TMEM130: variants seen among roughly 807,000 people sequenced by gnomAD.
The protein encoded by TMEM130 is transmembrane protein 130.
TMEM130 carries 37 observed loss-of-function variants against 42.9 expected under a neutral mutation model. That is an observed-to-expected ratio of 0.86 (90% CI 0.66 to 1.13). The LOEUF is 1.13. Among genes scored for constraint, TMEM130 ranks in the 50% most tolerant of loss-of-function variants. TMEM130 has a pLI of 0.00. For synonymous variants in TMEM130, 259 were observed against 237.7 expected (o/e 1.09, Z -0.82); for missense variants, 545 against 562.6 (o/e 0.97, Z 0.32).
At chr7:98,851,358 G>T in intron 6 of TMEM130, 63 bp downstream of exon 6, 1 of 1,536,566 alleles carries the variant, frequency 6.5e-7, no homozygotes, top group Non-Finnish European at 9.0e-7. Flanking sequence ...TGGTGGTGGT[G>T]GCAGGATGGA....
At chr7:98,858,847 C>T (rs938455604) in intron 3 of TMEM130, among the ~76,000 whole-genome samples, 34 of 149,306 alleles carry the variant, frequency 2.3e-4, no homozygotes, top group African/African-American at 8.3e-4. Flanking sequence ...CCACAGGTTG[C>T]TTTTGTCACC....
intron 6 of TMEM130, among the ~76,000 whole-genome samples, chr7:98,848,913 C>T (rs1322952388): frequency 6.6e-6 from 1 of 152,102 alleles, no homozygotes; most frequent in Admixed American, 6.6e-5. Context: ...AGCATACATC[C>T]ACAAGTTACT....
At chr7:98,855,441 C>T in intron 4 of TMEM130, 117 bp from the exon 5 acceptor site, 1 of 893,410 alleles carries the variant, frequency 1.1e-6, no homozygotes, top group Non-Finnish European at 1.7e-6. Context: ...CTCCTAAGAG[C>T]AGGCCACAGG....
At chr7:98,852,893 G>T (rs1299450477) in intron 5 of TMEM130, among the ~76,000 whole-genome samples, 4 of 152,208 alleles carry the variant, frequency 2.6e-5, no homozygotes, top group Non-Finnish European at 2.9e-5. Context: ...TACCGTCCCT[G>T]ACCATGAGAG....
intron 3 of TMEM130, among the ~76,000 whole-genome samples, chr7:98,857,021 A>G (rs1554399114): frequency 6.6e-6 from 1 of 151,940 alleles, no homozygotes; most frequent in African/African-American, 2.4e-5. Context: ...TCTTAGGCTC[A>G]AGCAGTCCTC....
intron 3 of TMEM130, among the ~76,000 whole-genome samples, chr7:98,859,369 G>C (rs782008595): frequency 7.2e-5 from 11 of 152,176 alleles, no homozygotes; most frequent in Non-Finnish European, 1.5e-4. Flanking sequence ...AGGGTTGGCT[G>C]GGTACCCTTC....
chr7:98,864,538 G>T (rs1794866489), intron 1 of TMEM130, among the ~76,000 whole-genome samples: 1 of 151,662 alleles, frequency 6.6e-6, no homozygotes, highest in African/African-American at 2.4e-5. Flanking sequence ...AGATCTACTG[G>T]ACAGTGCTGG....
At chr7:98,850,362 C>G (rs1794472431) in intron 6 of TMEM130, among the ~76,000 whole-genome samples, 1 of 149,156 alleles carries the variant, frequency 6.7e-6, no homozygotes, top group African/African-American at 2.5e-5. Context: ...ACTGCAACCT[C>G]CACCTCCCAG....
chr7:98,854,362 G>A (rs373219235), intron 5 of TMEM130, among the ~76,000 whole-genome samples: 2 of 151,048 alleles, frequency 1.3e-5, no homozygotes, highest in Non-Finnish European at 3.0e-5. Flanking sequence ...TTCTCAACAG[G>A]AGGGATCCCT....
chr7:98,864,381 CTTTT>C (rs77399182), intron 1 of TMEM130, among the ~76,000 whole-genome samples: 3 of 137,922 alleles, frequency 2.2e-5, no homozygotes, highest in Non-Finnish European at 1.6e-5. Flanking sequence ...TGATTTTTTT[CTTTT>C]TTTTTTTTTT....
rs558660930 is a variant in TMEM130 at position 98,869,959 on chromosome 7, G to T, written c.-98C>A. On this transcript the variant is annotated 5_prime_UTR_variant, in exon 1 of 8. Transcript: ENST00000339375. This position sits in a 1 kb window ranked among gnomAD's most constrained non-coding sequence, Gnocchi z 4.7. ...GTCGCTCCTCCGGGCGCGCAGCGCGGGCGGTGCGGGGAGGTGCGGGCGCCG... is the reference window on the plus strand; with the variant it reads ...GTCGCTCCTCCGGGCGCGCAGCGCGTGCGGTGCGGGGAGGTGCGGGCGCCG... The T allele has an allele frequency of 1.3e-3, 1,166 of 877,512 alleles. 5 individuals carry two copies. In the African/African-American group the frequency reaches 0.016, roughly 12 times the overall value. 54.4% of individuals were successfully genotyped at this position (877,512 alleles called of 1,614,324 possible). A position where few individuals can be genotyped will look rare whatever the true frequency, so the allele number is the denominator to read the frequency against.
At chr7:98,860,961 A>G (rs1794760457) in intron 2 of TMEM130, among the ~76,000 whole-genome samples, 1 of 146,028 alleles carries the variant, frequency 6.8e-6, no homozygotes, top group African/African-American at 2.5e-5. Context: ...AAAAAAAAAA[A>G]AAAAGAAGAA....
At chr7:98,855,805 G>A (rs1241103607) in intron 4 of TMEM130, among the ~76,000 whole-genome samples, 1 of 152,198 alleles carries the variant, frequency 6.6e-6, no homozygotes, top group Admixed American at 6.5e-5. Flanking sequence ...GCAGCCCGGG[G>A]CACAAGGGCC....
intron 2 of TMEM130, among the ~76,000 whole-genome samples, chr7:98,862,357 G>T (rs1405126038): frequency 6.6e-6 from 1 of 151,298 alleles, no homozygotes; most frequent in Admixed American, 6.6e-5. Flanking sequence ...AGAGAGAGAA[G>T]GGACAGAGAG....
chr7:98,867,401 G>C (rs1421374470), intron 1 of TMEM130, among the ~76,000 whole-genome samples: 2 of 152,100 alleles, frequency 1.3e-5, no homozygotes, highest in African/African-American at 4.8e-5. Context: ...GCTGTGGACA[G>C]AGAGGTGCAT....
At chr7:98,862,565 C>G (rs1794805963) in intron 2 of TMEM130, among the ~76,000 whole-genome samples, 1 of 121,558 alleles carries the variant, frequency 8.2e-6, no homozygotes. Flanking sequence ...GTGGCACGTT[C>G]TCGGCTCACT....
Position 98,869,837 on chromosome 7 carries a change from G to A in TMEM130, c.25C>T (p.Leu9Phe). 6.9e-7 allele frequency: 1 copy of A among 1,445,940 alleles called. No homozygotes were observed. The allele number at this position is 1,445,940 out of a possible 1,614,324, so 89.6% of individuals were successfully genotyped here. ...CAGGCAAGCCAGAGGATGCGGCCGA[G>A]GCGCGACCACACTGCCTGGGCCATT... MAQAVWSR[L>F]GRILWLACLL... The change falls in exon 1 of 8, where the codon CTC (leucine) becomes TTC (phenylalanine). Residue 9 changes from leucine (L) to phenylalanine (F), a missense_variant. By Grantham distance (22) the Leu-to-Phe change is conservative. Transcript: ENST00000339375. The surrounding 1 kb of genome is among the most constrained non-coding windows in gnomAD (Gnocchi z 4.7).
chr7:98,855,378 G>C lies in TMEM130; in HGVS notation c.719-54C>G, dbSNP rs1554398809. 3 of 1,529,452 alleles carry C rather than the reference G, an allele frequency of 2.0e-6. No individual in the cohort carries two copies. The South Asian group carries it at 3.6e-5, about 18-fold the overall frequency. 94.7% of individuals were successfully genotyped at this position (1,529,452 alleles called of 1,614,324 possible). A position where few individuals can be genotyped will look rare whatever the true frequency, so the allele number is the denominator to read the frequency against. On this transcript the variant is annotated intron_variant, in intron 4 of 7. Coordinates refer to ENST00000339375, the MANE Select transcript of TMEM130 (RefSeq NM_152913.3). ...CTGGTGGCTAAGGATTGCTGTCGAG[G>C]CTCCCAGGGCACAGGGTGGTGCGAC...
intron 2 of TMEM130, 125 bp downstream of exon 2, chr7:98,862,970 C>T (rs782108873): frequency 6.9e-6 from 7 of 1,009,502 alleles, no homozygotes; most frequent in Middle Eastern, 3.4e-4. Flanking sequence ...GGGGAAGGAA[C>T]CTACGGGCCT....
Sources: gnomAD v4.1 joint callset for allele counts (sites outside exome capture counted in the v4.1 genomes callset) on GRCh38, gnomAD v4.1.1 for gene constraint, Gnocchi (gnomAD v3.1) non-coding constraint, MANE v1.5 for transcripts, NCBI Gene and HGNC (gene_info 2026-07-23, HGNC 2026-07-21) for gene names.